Variants in RFTN2 observed in about 807,000 individuals in gnomAD.
RFTN2 encodes the protein raftlin family member 2.
A neutral mutation model predicts 52.7 loss-of-function variants in RFTN2; 34 were observed. That is an observed-to-expected ratio of 0.64 (90% CI 0.49 to 0.86). The LOEUF (loss-of-function observed/expected upper bound fraction) is 0.86. Among genes scored for constraint, RFTN2 ranks in the 40% least tolerant of loss-of-function variants. The probability of loss-of-function intolerance (pLI) is 0.00; values close to 1 mark genes in which losing one functional copy is unlikely to be tolerated. For synonymous variants in RFTN2, 203 were observed against 217.7 expected, an observed-to-expected ratio of 0.93 and a Z score of 0.59; for missense variants, 536 against 600.1, an observed-to-expected ratio of 0.89 and a Z score of 1.12.
chr2:197,659,101 A>G (rs1291495298), intron 1 of RFTN2, among the ~76,000 whole-genome samples: 1 of 152,198 alleles, frequency 6.6e-6, no homozygotes, highest in East Asian at 1.9e-4. Context: ...GTTCAATGCT[A>G]AAAGTTTTGC....
chr2:197,632,991 T>G lies in RFTN2; in HGVS notation c.718+727A>C, dbSNP rs558063084. On this transcript the variant is annotated intron_variant, in intron 4 of 8. Coordinates refer to ENST00000295049, the MANE Select transcript of RFTN2 (RefSeq NM_144629.3). The stretch of plus-strand genomic sequence containing the variant: ...GAGGGAGTTCTTACTATTACCCCTT[T>G]TTATAAAGAAATTGAGGTATCTGAT... Among the ~76,000 whole-genome samples, 13 of 152,320 alleles carry G rather than the reference T, an allele frequency of 8.5e-5. No individual in the cohort carries two copies. The East Asian group carries it at 2.5e-3, about 29-fold the overall frequency.
chr2:197,659,149 A>G (rs1269522688), intron 1 of RFTN2, among the ~76,000 whole-genome samples: 1 of 152,206 alleles, frequency 6.6e-6, no homozygotes, highest in Non-Finnish European at 1.5e-5. Context: ...TCCAAGACAT[A>G]CATATGTTCT....
chr2:197,572,309 G>C, intron 8 of RFTN2, 29 bp from the exon 9 acceptor site: 4 of 1,606,432 alleles, frequency 2.5e-6, no homozygotes, highest in African/African-American at 1.3e-5. Flanking sequence ...GTGACCAGGA[G>C]AGTTAAAAAG....
intron 7 of RFTN2, among the ~76,000 whole-genome samples, chr2:197,597,510 TTC>T (rs1368265855): frequency 6.6e-6 from 1 of 152,148 alleles, no homozygotes; most frequent in Non-Finnish European, 1.5e-5. Context: ...AAATTGTGTT[TTC>T]TTTTTCTTTC....
At chr2:197,589,200 T>A (rs555221649) in intron 8 of RFTN2, among the ~76,000 whole-genome samples, 5 of 108,608 alleles carry the variant, frequency 4.6e-5, no homozygotes, top group Non-Finnish European at 8.4e-5. Flanking sequence ...CCAGCCTGGG[T>A]GACAGAGTGA....
intron 8 of RFTN2, among the ~76,000 whole-genome samples, chr2:197,590,205 C>A (rs1025256922): frequency 1.3e-5 from 2 of 152,064 alleles, no homozygotes; most frequent in Non-Finnish European, 2.9e-5. Flanking sequence ...GCACCTGGCC[C>A]CTAAAAACTC....
At chr2:197,616,268 C>CATTTTATTTATTTTATTTTTTTATTTT (rs372876451) in intron 6 of RFTN2, among the ~76,000 whole-genome samples, 8 of 60,768 alleles carry the variant, frequency 1.3e-4, no homozygotes, top group African/African-American at 4.8e-4. Context: ...TGGGAATCTG[C>CATTTTATTTATTTTATTTTTTTATTTT]ATTTTATTTT....
chr2:197,572,873 G>A (rs1266265103), intron 8 of RFTN2, among the ~76,000 whole-genome samples: 2 of 152,090 alleles, frequency 1.3e-5, no homozygotes, highest in Admixed American at 6.6e-5. Flanking sequence ...AGTATCATGA[G>A]ATCTGATGGT....
At chr2:197,637,064 C>G (rs2088579734) in intron 3 of RFTN2, among the ~76,000 whole-genome samples, 1 of 150,538 alleles carries the variant, frequency 6.6e-6, no homozygotes, top group Non-Finnish European at 1.5e-5. Context: ...GTATATTGAA[C>G]CAGCCTTGCA....
At chr2:197,576,158 G>A (rs931209847) in intron 8 of RFTN2, among the ~76,000 whole-genome samples, 6 of 151,682 alleles carry the variant, frequency 4.0e-5, no homozygotes, top group South Asian at 2.1e-4. Flanking sequence ...CCAGGCATGC[G>A]CCACCTTGCC....
chr2:197,620,673 A>G (rs1487456928), intron 5 of RFTN2, among the ~76,000 whole-genome samples: 1 of 152,234 alleles, frequency 6.6e-6, no homozygotes, highest in Non-Finnish European at 1.5e-5. Context: ...AGTGGTTCCC[A>G]AGAACCCAGT....
At chr2:197,614,553 A>T (rs896738426) in intron 7 of RFTN2, among the ~76,000 whole-genome samples, 1 of 152,350 alleles carries the variant, frequency 6.6e-6, no homozygotes, top group South Asian at 2.1e-4. Flanking sequence ...TGGCAAAACT[A>T]AAAGATCACT....
In RFTN2 at chr2:197,633,804, A is replaced by C. The variant is rs2088506210; in HGVS notation, c.632T>G (p.Ile211Ser). The change falls in exon 4 of 9, where the codon ATT becomes AGT. Residue 211 changes from isoleucine (I) to serine (S), a missense_variant. By Grantham distance (142) the Ile-to-Ser change is moderately radical (BLOSUM62 -2). Transcript: ENST00000295049. Reference protein sequence around the residue: ...TLSGQSSESGIEEELHHESGQ... With the variant: ...TLSGQSSESGSEEELHHESGQ... Reference sequence around the variant, plus strand: ...ACTTTCATGATGAAGTTCTTCCTCAATTCCGCTTTCAGATGACTGCCCACT... The same window carrying C: ...ACTTTCATGATGAAGTTCTTCCTCACTTCCGCTTTCAGATGACTGCCCACT... The C allele has an allele frequency of 1.2e-6, 2 of 1,613,652 alleles. No homozygotes were observed. The highest frequency in any genetic ancestry group is 1.3e-5 in the African/African-American group (1 of 74,902).
chr2:197,614,538 G>T (rs2088111637), intron 7 of RFTN2, among the ~76,000 whole-genome samples: 1 of 152,218 alleles, frequency 6.6e-6, no homozygotes, highest in Non-Finnish European at 1.5e-5. Context: ...TAAGCCCTCT[G>T]CAGATGGCAA....
intron 7 of RFTN2, among the ~76,000 whole-genome samples, chr2:197,596,863 TCTC>T (rs1451687528): frequency 6.6e-6 from 1 of 152,204 alleles, no homozygotes; most frequent in Non-Finnish European, 1.5e-5. Context: ...TACTCAGTAT[TCTC>T]CTTATTTAAC....
At position 197,665,863 on chromosome 2, in the gene RFTN2, T is replaced by C. The variant is rs181053933; in HGVS notation, c.139+9457A>G. The stretch of plus-strand genomic sequence containing the variant: ...TTTGTTTTGCTCTTCCTGTTTATCA[T>C]TGTAGCTTGGTGGTTTTCTGTAGTG... On this transcript the variant is annotated intron_variant, in intron 1 of 8. Coordinates refer to ENST00000295049, the MANE Select transcript of RFTN2 (RefSeq NM_144629.3). Among the ~76,000 whole-genome samples the C allele has an allele frequency of 8.5e-5, 13 of 152,322 alleles. No individual in the cohort carries two copies. The East Asian group carries it at 2.3e-3, about 27-fold the overall frequency.
At chr2:197,667,950 G>T (rs1316340125) in intron 1 of RFTN2, among the ~76,000 whole-genome samples, 1 of 152,168 alleles carries the variant, frequency 6.6e-6, no homozygotes, top group African/African-American at 2.4e-5. Flanking sequence ...AGTGGTAGCA[G>T]TGGGCTGGGT....
chr2:197,629,339 G>C (rs1456259730), intron 5 of RFTN2, among the ~76,000 whole-genome samples: 1 of 151,962 alleles, frequency 6.6e-6, no homozygotes, highest in Non-Finnish European at 1.5e-5. Context: ...GCAAACTATC[G>C]CAAGGACAGA....
chr2:197,665,327 G>A lies in RFTN2; in HGVS notation c.139+9993C>T, dbSNP rs149561520. On this transcript the variant is annotated intron_variant, in intron 1 of 8. Coordinates refer to ENST00000295049, the MANE Select transcript of RFTN2 (RefSeq NM_144629.3). ...ATCCAATGTTTCTTTGTTATTTACTGTCTGGATGATCTGTCTAATGCTGAA... is the reference window on the plus strand; with the variant it reads ...ATCCAATGTTTCTTTGTTATTTACTATCTGGATGATCTGTCTAATGCTGAA... 4.4e-3 allele frequency among the ~76,000 whole-genome samples: 663 copies of A among 152,130 alleles called. 6 individuals are homozygous for A. The highest frequency in any genetic ancestry group is 0.041 in the Middle Eastern group (12 of 294).
Sources: allele counts gnomAD v4.1 joint callset (sites outside exome capture counted in the v4.1 genomes callset), GRCh38; gene constraint gnomAD v4.1.1; transcripts MANE v1.5; gene names NCBI Gene and HGNC (gene_info 2026-07-23, HGNC 2026-07-21).